The following NUP98 variants were observed in gnomAD, a reference collection of about 807,000 sequenced individuals.
The protein encoded by NUP98 is nuclear pore complex protein Nup98-Nup96.
In NUP98, 26 loss-of-function variants were observed where a neutral mutation model predicts 191.9. The ratio of observed to expected loss-of-function variants is 0.14; its 90% CI spans 0.10 to 0.19. The LOEUF (loss-of-function observed/expected upper bound fraction) is 0.19. Among genes scored for constraint, NUP98 ranks in the 10% least tolerant of loss-of-function variants. The pLI is 1.00. For missense variants in NUP98, 1,941 were observed against 2,178.8 expected, an observed-to-expected ratio of 0.89 and a Z score of 2.17; for synonymous variants, 808 against 778.4, an observed-to-expected ratio of 1.04 and a Z score of -0.63.
rs959421275 is a variant in NUP98 at position 3,678,720 on chromosome 11, G to A, written c.5073+834C>T. 3.3e-5 allele frequency among the ~76,000 whole-genome samples: 5 copies of A among 152,086 alleles called. No homozygotes were observed. The South Asian group carries it at 1.0e-3, about 31-fold the overall frequency. ...AGAGTGGTAGGAGTAAGGCAGGAAAGGTAAAAGCCTCTAAAAGGACTTGAA... is the reference window on the plus strand; with the variant it reads ...AGAGTGGTAGGAGTAAGGCAGGAAAAGTAAAAGCCTCTAAAAGGACTTGAA... On this transcript the variant is annotated intron_variant, in intron 31 of 32. Transcript: ENST00000324932.
chr11:3,682,661 A>G (rs1029178897), intron 30 of NUP98, among the ~76,000 whole-genome samples: 5 of 152,254 alleles, frequency 3.3e-5, no homozygotes, highest in Non-Finnish European at 7.3e-5. Flanking sequence ...AGATCACCAT[A>G]ACAGATATAG....
chr11:3,732,148 T>A (rs2079874457), intron 13 of NUP98, among the ~76,000 whole-genome samples: 1 of 152,128 alleles, frequency 6.6e-6, no homozygotes, highest in Non-Finnish European at 1.5e-5. Context: ...CTGGGGAGGC[T>A]AAGGCATGGG....
chr11:3,751,974 G>A (rs276896), intron 11 of NUP98, among the ~76,000 whole-genome samples: 24,132 of 151,344 alleles, frequency 0.16, 2,132 homozygotes, highest in East Asian at 0.26. Flanking sequence ...TCAGGAGTTC[G>A]AGACCAGCCT....
rs191418502 is a variant in NUP98, at chr11:3,763,589, G to A, written c.949-550C>T. 3.3e-5 allele frequency among the ~76,000 whole-genome samples: 5 copies of A among 152,206 alleles called. No individual in the cohort carries two copies. In the South Asian group the frequency reaches 6.2e-4, roughly 19 times the overall value. On this transcript the variant is annotated intron_variant, in intron 8 of 32. Coordinates refer to ENST00000324932, the MANE Select transcript of NUP98 (RefSeq NM_016320.5). ...ATTCCTTTTTTTGATACGGAGTTTC[G>A]TTCTGTTGCCCAGGCTGAAGTACAG...
rs1474457036 is a variant in NUP98, at chr11:3,725,123, T to C, written c.1827A>G (p.Glu609=). 1.3e-6 allele frequency: 2 copies of C among 1,548,086 alleles called. No individual in the cohort carries two copies. ...RDSENLASPS[E]YPENGERFSF... ...TGTACCTCTCTCCATTTTCTGGATA[T>C]TCAGATGGTGAAGCTAGATTTTCTG... The change falls in exon 15 of 33, where the codon GAA becomes GAG. Residue 609 remains glutamate (E), a synonymous_variant. Transcript: ENST00000324932.
chr11:3,744,388 G>A (rs778183659), intron 12 of NUP98, 121 bp downstream of exon 12: 4 of 995,706 alleles, frequency 4.0e-6, no homozygotes, highest in Non-Finnish European at 5.8e-6. Flanking sequence ...CTACCCAATT[G>A]TTTAATGACA....
rs1418511554 is a variant in NUP98, at chr11:3,693,271, G to A, written c.4272C>T (p.Ser1424=). 6.2e-7 allele frequency: 1 copy of A among 1,614,048 alleles called. No individual in the cohort carries two copies. The highest frequency in any genetic ancestry group is 1.7e-5 in the Admixed American group (1 of 60,000). ...CATACATGCTGAGCGCCCTAGAAAT[G>A]GAGGCTGTTGGTGGAAGCAAATACC... The part of the protein sequence containing the change: ...HLWYLLPPTA[S]ISRALSMYEE... The change falls in exon 27 of 33, where the codon TCC becomes TCT. Residue 1424 remains serine (S), a synonymous_variant. Transcript: ENST00000324932.
At chr11:3,751,967 G>A (rs780856386) in intron 11 of NUP98, among the ~76,000 whole-genome samples, 1 of 151,798 alleles carries the variant, frequency 6.6e-6, no homozygotes, top group Non-Finnish European at 1.5e-5. Context: ...CACGACGTCA[G>A]GAGTTCGAGA....
chr11:3,723,569 G>A lies in NUP98; in HGVS notation c.1848-114C>T. On this transcript the variant is annotated intron_variant, in intron 15 of 32. Coordinates refer to ENST00000324932, the MANE Select transcript of NUP98 (RefSeq NM_016320.5). ...CTGGCACTGTTCTGGATAGTTCCAT[G>A]TATTAAAAATTCACTTAATACTTAC... 3 of 810,286 alleles carry A rather than the reference G, an allele frequency of 3.7e-6. No homozygotes were observed. The South Asian group carries it at 5.4e-5, about 15-fold the overall frequency. The allele number at this position is 810,286 out of a possible 1,614,324, so 50.2% of individuals were successfully genotyped here. A position where few individuals can be genotyped will look rare whatever the true frequency, so the allele number is the denominator to read the frequency against.
At chr11:3,727,417 A>G (rs2079661671) in intron 14 of NUP98, among the ~76,000 whole-genome samples, 1 of 152,212 alleles carries the variant, frequency 6.6e-6, no homozygotes, top group African/African-American at 2.4e-5. Flanking sequence ...TACAAGCAAG[A>G]AAGTTACCAA....
intron 4 of NUP98, among the ~76,000 whole-genome samples, chr11:3,777,414 A>G (rs1242490110): frequency 6.6e-6 from 1 of 152,082 alleles, no homozygotes; most frequent in African/African-American, 2.4e-5. Flanking sequence ...CAAGGTCAGG[A>G]GTTCGAGACC....
In NUP98 at chr11:3,702,907, G is replaced by A. The variant is rs769933167; in HGVS notation, c.3083-15C>T. Reference sequence around the variant, plus strand: ...TAACCCACCAACTGAAATGAAGCGGGAATGAAGGGGAGAAAGACTATTACA... The same window carrying A: ...TAACCCACCAACTGAAATGAAGCGGAAATGAAGGGGAGAAAGACTATTACA... On this transcript the variant is annotated splice_polypyrimidine_tract_variant and intron_variant, in intron 22 of 32. Transcript: ENST00000324932. 1.0e-5 allele frequency: 16 copies of A among 1,581,086 alleles called. No homozygotes were observed. Among genetic ancestry groups the A allele is most frequent in the African/African-American group, 1.4e-5 (1 of 73,930 alleles).
At chr11:3,698,364 T>C (rs1020777777) in intron 25 of NUP98, among the ~76,000 whole-genome samples, 10 of 152,142 alleles carry the variant, frequency 6.6e-5, no homozygotes, top group Non-Finnish European at 1.5e-4. Flanking sequence ...TCTAGTTTTA[T>C]TACAAATGTA....
At chr11:3,676,827 C>T in intron 31 of NUP98, 1 of 673,580 alleles carries the variant, frequency 1.5e-6, no homozygotes, top group South Asian at 1.6e-5. Flanking sequence ...AACACAGTTA[C>T]CTAGCCTTGG....
At chr11:3,753,242 C>T in intron 11 of NUP98, 74 bp downstream of exon 11, 1 of 1,238,994 alleles carries the variant, frequency 8.1e-7, no homozygotes, top group South Asian at 1.2e-5. Flanking sequence ...CATAATCAAA[C>T]AGATCTCTCA....
At chr11:3,764,107 C>T in intron 8 of NUP98, among the ~76,000 whole-genome samples, 1 of 152,102 alleles carries the variant, frequency 6.6e-6, no homozygotes, top group East Asian at 1.9e-4. Flanking sequence ...AATCCCAGAC[C>T]CATCAGTGAT....
chr11:3,692,722 C>T (rs1446443633), intron 27 of NUP98, among the ~76,000 whole-genome samples: 2 of 152,188 alleles, frequency 1.3e-5, no homozygotes, highest in African/African-American at 2.4e-5. Flanking sequence ...CACTAACCCC[C>T]CATACTTATC....
At chr11:3,731,689 G>C (rs1245339404) in intron 13 of NUP98, 111 bp from the exon 14 acceptor site, 1 of 676,768 alleles carries the variant, frequency 1.5e-6, no homozygotes. Context: ...TCACCTGCTA[G>C]ATACCTGTTG....
chr11:3,731,535 G>A lies in NUP98; in HGVS notation c.1586C>T (p.Thr529Ile). The change falls in exon 14 of 33, where the codon ACA (threonine) becomes ATA (isoleucine). Residue 529 changes from threonine (T) to isoleucine (I), a missense_variant. Around this residue, in one of 6 missense-constraint regions of NUP98, gnomAD observed 453 missense variants for 438.2 expected, o/e 1.03. Coordinates refer to ENST00000324932, the MANE Select transcript of NUP98 (RefSeq NM_016320.5). ...GGGTGTCAGTTTATAATGAGTAGGT[G>A]TAGTAAGAGCCTTCTGGGCTGCTGG... The part of the protein sequence containing the change: ...TNPAAQKALT[T>I]PTHYKLTPRP... 3 of 1,602,400 alleles carry A rather than the reference G, an allele frequency of 1.9e-6. No homozygotes were observed. The highest frequency in any genetic ancestry group is 1.7e-6 in the Non-Finnish European group (2 of 1,173,936).
Sources: allele counts gnomAD v4.1 joint callset (sites outside exome capture counted in the v4.1 genomes callset), GRCh38; gene constraint gnomAD v4.1.1; regional missense constraint gnomAD v4.1.1; transcripts MANE v1.5; gene names NCBI Gene and HGNC (gene_info 2026-07-23, HGNC 2026-07-21).